The following MAGI2 variants were observed in gnomAD, a reference collection of about 807,000 sequenced individuals.
MAGI2 encodes membrane-associated guanylate kinase, WW and PDZ domain-containing protein 2.
A neutral mutation model predicts 133.3 loss-of-function variants in MAGI2; 35 were observed. The observed-to-expected ratio is 0.26, with a 90% confidence interval of 0.20 to 0.35. MAGI2 has a LOEUF of 0.35. MAGI2 is among the 10% of genes least tolerant of loss of function. The probability of loss-of-function intolerance (pLI) is 1.00; values close to 1 mark genes in which losing one functional copy is unlikely to be tolerated. For synonymous variants in MAGI2, 729 were observed against 710.6 expected, an observed-to-expected ratio of 1.03 and a Z score of -0.41; for missense variants, 1,636 against 1,863.4, an observed-to-expected ratio of 0.88 and a Z score of 2.25.
chr7:78,068,292 T>C (rs1283741129), intron 21 of MAGI2, among the ~76,000 whole-genome samples: 1 of 152,164 alleles, frequency 6.6e-6, no homozygotes, highest in Admixed American at 6.5e-5. Context: ...GCTCAGGCAG[T>C]AATGCTCCCG....
At chr7:78,703,696 A>G (rs1372661154) in intron 2 of MAGI2, among the ~76,000 whole-genome samples, 2 of 152,022 alleles carry the variant, frequency 1.3e-5, no homozygotes, top group Non-Finnish European at 2.9e-5. Context: ...GCTATTTTTA[A>G]AAGTAATTTA....
chr7:78,124,608 C>A (rs1183886494), intron 20 of MAGI2, among the ~76,000 whole-genome samples: 1 of 152,094 alleles, frequency 6.6e-6, no homozygotes, highest in Non-Finnish European at 1.5e-5. Context: ...ACCCCAAAGC[C>A]ACAGCTTTTC....
chr7:79,093,763 G>C (rs1490601777), intron 1 of MAGI2, among the ~76,000 whole-genome samples: 2 of 147,278 alleles, frequency 1.4e-5, no homozygotes, highest in Non-Finnish European at 3.0e-5. Flanking sequence ...TGCCCAGGCT[G>C]GAGTGCAATG....
chr7:78,648,091 C>T lies in MAGI2; in HGVS notation c.419-20852G>A, dbSNP rs139295773. Among the ~76,000 whole-genome samples, 1,421 of 152,152 alleles carry T rather than the reference C, an allele frequency of 9.3e-3. 21 individuals carry two copies. Among genetic ancestry groups the T allele is most frequent in the African/African-American group, 0.032 (1,346 of 41,516 alleles). On this transcript the variant is annotated intron_variant, in intron 2 of 21. Coordinates refer to ENST00000354212, the MANE Select transcript of MAGI2 (RefSeq NM_012301.4). The stretch of plus-strand genomic sequence containing the variant: ...AGCAAACCAACATGGCACATGTATA[C>T]CTATGTAACAAACCTGCAAGTTGTG...
chr7:79,384,939 G>A (rs956853808), intron 1 of MAGI2, among the ~76,000 whole-genome samples: 5 of 151,626 alleles, frequency 3.3e-5, no homozygotes, highest in African/African-American at 1.2e-4. Flanking sequence ...GATAGTTTCT[G>A]TTAGACTCTG....
intron 1 of MAGI2, among the ~76,000 whole-genome samples, chr7:79,045,984 T>C (rs1445221172): frequency 6.6e-6 from 1 of 152,172 alleles, no homozygotes; most frequent in Non-Finnish European, 1.5e-5. Flanking sequence ...CATTGTACTA[T>C]AATAGCGTAA....
At chr7:78,898,333 A>G (rs1010314635) in intron 2 of MAGI2, among the ~76,000 whole-genome samples, 3 of 152,154 alleles carry the variant, frequency 2.0e-5, no homozygotes, top group Admixed American at 1.3e-4. Context: ...AAATTGTTCT[A>G]TCATAAAGGC....
chr7:78,888,543 C>T (rs539126537), intron 2 of MAGI2, among the ~76,000 whole-genome samples: 20 of 152,118 alleles, frequency 1.3e-4, no homozygotes, highest in Non-Finnish European at 2.4e-4. Flanking sequence ...TCCAGAGGAA[C>T]GATCAGACAG....
chr7:78,409,670 G>C (rs1797695020), intron 6 of MAGI2, among the ~76,000 whole-genome samples: 1 of 151,950 alleles, frequency 6.6e-6, no homozygotes, highest in Non-Finnish European at 1.5e-5. Context: ...TCTCATTTTT[G>C]ATATTTGTTA....
At chr7:78,971,224 A>G (rs1000932762) in intron 2 of MAGI2, among the ~76,000 whole-genome samples, 4 of 152,070 alleles carry the variant, frequency 2.6e-5, no homozygotes, top group African/African-American at 9.7e-5. Context: ...GCCTCAGCAT[A>G]TGGGAGGAGG....
At chr7:78,786,314 A>G (rs919549487) in intron 2 of MAGI2, among the ~76,000 whole-genome samples, 1 of 152,064 alleles carries the variant, frequency 6.6e-6, no homozygotes, top group Non-Finnish European at 1.5e-5. Flanking sequence ...GGATTATAGC[A>G]GTACCCTAAC....
At chr7:79,095,060 C>T (rs2159685) in intron 1 of MAGI2, among the ~76,000 whole-genome samples, 126,585 of 152,170 alleles carry the variant, frequency 0.83, 53,147 homozygotes, top group Non-Finnish European at 0.86. Flanking sequence ...AAGTCCTAGA[C>T]GGCATCCTGT....
chr7:78,187,491 A>G (rs3807664), intron 12 of MAGI2, among the ~76,000 whole-genome samples: 41,827 of 151,992 alleles, frequency 0.28, 6,364 homozygotes, highest in South Asian at 0.36. Flanking sequence ...GGCTCACATA[A>G]TACCAAAAAA....
intron 10 of MAGI2, among the ~76,000 whole-genome samples, chr7:78,224,111 T>G (rs993368106): frequency 6.6e-5 from 10 of 152,320 alleles, no homozygotes; most frequent in African/African-American, 2.4e-4. Context: ...GATTTCATTG[T>G]GAAATAGAAT....
intron 2 of MAGI2, among the ~76,000 whole-genome samples, chr7:78,834,275 G>C (rs1485106876): frequency 6.6e-6 from 1 of 151,982 alleles, no homozygotes; most frequent in East Asian, 1.9e-4. Context: ...CACAAGTTTG[G>C]GTTACCATAA....
At chr7:78,173,624 GGGAGAAA>G (rs1315500106) in intron 14 of MAGI2, among the ~76,000 whole-genome samples, 1 of 152,172 alleles carries the variant, frequency 6.6e-6, no homozygotes, top group Non-Finnish European at 1.5e-5. Flanking sequence ...ATTTCTTAAT[GGGAGAAA>G]GGACCTGATA....
chr7:78,776,981 A>G (rs943282804), intron 2 of MAGI2, among the ~76,000 whole-genome samples: 5 of 152,142 alleles, frequency 3.3e-5, no homozygotes, highest in African/African-American at 9.7e-5. Flanking sequence ...CAGAGCCTGG[A>G]TCTATGGGAA....
At chr7:78,085,585 CA>C (rs1474049045) in intron 20 of MAGI2, among the ~76,000 whole-genome samples, 1 of 143,198 alleles carries the variant, frequency 7.0e-6, no homozygotes, top group Non-Finnish European at 1.5e-5. Flanking sequence ...CACACACAAA[CA>C]AAACAAAATC....
chr7:78,035,769 G>A (rs1197991555), intron 21 of MAGI2, among the ~76,000 whole-genome samples: 2 of 126,916 alleles, frequency 1.6e-5, no homozygotes, highest in East Asian at 4.4e-4. Context: ...TTACTTTATT[G>A]TAGTAAACCC....
Sources: allele counts gnomAD v4.1 joint callset (sites outside exome capture counted in the v4.1 genomes callset), GRCh38; gene constraint gnomAD v4.1.1; transcripts MANE v1.5; gene names NCBI Gene and HGNC (gene_info 2026-07-23, HGNC 2026-07-21).